The following VIPR1 variants were observed in gnomAD, a reference collection of about 807,000 sequenced individuals.
VIPR1 encodes the protein vasoactive intestinal polypeptide receptor 1.
In VIPR1, 59 loss-of-function variants were observed where a neutral mutation model predicts 58.8. That is an observed-to-expected ratio of 1.00 (90% CI 0.81 to 1.25). The LOEUF (loss-of-function observed/expected upper bound fraction) is 1.25, where lower values mean the gene tolerates loss of function less well. Ranked by LOEUF, VIPR1 falls within the 50% of genes most tolerant of loss-of-function variation. VIPR1 has a pLI of 0.00. For missense variants in VIPR1, 626 were observed against 602.7 expected, an observed-to-expected ratio of 1.04 and a Z score of -0.40; for synonymous variants, 251 against 242.1, an observed-to-expected ratio of 1.04 and a Z score of -0.34.
intron 1 of VIPR1, among the ~76,000 whole-genome samples, chr3:42,508,592 G>A (rs1165780636): frequency 6.6e-6 from 1 of 152,150 alleles, no homozygotes; most frequent in East Asian, 1.9e-4. Flanking sequence ...CATCACCCTA[G>A]CAGGCTGCCC....
upstream of VIPR1, among the ~76,000 whole-genome samples, chr3:42,499,120 G>A (rs1470849811): frequency 6.6e-6 from 1 of 152,230 alleles, no homozygotes; most frequent in Non-Finnish European, 1.5e-5. Flanking sequence ...AGACAGCAAC[G>A]TGGGTGGCTC....
upstream of VIPR1, chr3:42,502,579 C>T: frequency 2.0e-6 from 1 of 491,556 alleles, no homozygotes; most frequent in Non-Finnish European, 3.1e-6. Context: ...GTCAGACGAG[C>T]CCCCGGGGCC....
At position 42,525,917 on chromosome 3, in the gene VIPR1, A is replaced by G; in HGVS notation, c.323A>G (p.Glu108Gly). 1 of 1,613,432 alleles carries G rather than the reference A, an allele frequency of 6.2e-7. No homozygotes were observed. Among genetic ancestry groups the G allele is most frequent in the Non-Finnish European group, 8.5e-7 (1 of 1,179,768 alleles). ...AATGTAAGCCGCAGCTGCACCGACG[A>G]AGGCTGGACGCACCTGGAGCCTGGC... is the stretch of plus-strand genomic sequence containing the variant. ...GRNVSRSCTD[E>G]GWTHLEPGPY... is the part of the protein sequence containing the mutation. The change falls in exon 4 of 13, where the codon GAA becomes GGA. Residue 108 changes from glutamate to glycine, a missense_variant. Glu to Gly is a moderately conservative substitution (Grantham distance 98). Transcript: ENST00000325123.
intron 4 of VIPR1, 60 bp downstream of exon 4, chr3:42,526,053 T>G: frequency 2.0e-6 from 3 of 1,482,654 alleles, no homozygotes; most frequent in Admixed American, 1.9e-5. Context: ...TAGGAGACTT[T>G]GATCTCTCCC....
At chr3:42,516,912 T>C (rs1413452558) in intron 2 of VIPR1, 1 of 152,392 alleles carries the variant, frequency 6.6e-6, no homozygotes, top group Middle Eastern at 3.4e-3. Flanking sequence ...AAATGTTATA[T>C]GAATGTTTGC....
At chr3:42,505,329 C>T (rs1363939639) in intron 1 of VIPR1, among the ~76,000 whole-genome samples, 4 of 152,224 alleles carry the variant, frequency 2.6e-5, no homozygotes, top group Admixed American at 2.0e-4. Context: ...AATGGGCCTG[C>T]CCCCAGAAGG....
At chr3:42,498,652 C>G (rs983249624), upstream of VIPR1, among the ~76,000 whole-genome samples, 1 of 152,122 alleles carries the variant, frequency 6.6e-6, no homozygotes, top group African/African-American at 2.4e-5. Flanking sequence ...ATTCTTTCTC[C>G]ATCACCTGCT....
chr3:42,512,549 C>A (rs1211309006), intron 1 of VIPR1, among the ~76,000 whole-genome samples: 1 of 152,144 alleles, frequency 6.6e-6, no homozygotes, highest in Non-Finnish European at 1.5e-5. Flanking sequence ...TTCCCACGGA[C>A]CCACTTCAAG....
At chr3:42,527,551 C>A in intron 5 of VIPR1, 55 bp downstream of exon 5, 1 of 1,567,168 alleles carries the variant, frequency 6.4e-7, no homozygotes, top group Non-Finnish European at 8.7e-7. Flanking sequence ...GTGTCCCTCC[C>A]ACAGTGGAGC....
rs1455793043 is a variant in VIPR1 at position 42,536,523 on chromosome 3, TCA to T, written c.*243_*244del. On this transcript the variant is annotated 3_prime_UTR_variant, in exon 13 of 13. Transcript: ENST00000325123. ...TCTCCTGGAGGATTGCAGGTGGAAC[TCA>T]GTCATTAGACTCCTCCTCCAAAGGC... 2.3e-6 allele frequency: 1 copy of T among 440,174 alleles called. No homozygotes were observed. The highest frequency in any genetic ancestry group is 4.0e-6 in the Non-Finnish European group (1 of 252,862). The allele number at this position is 440,174 out of a possible 1,614,324, so 27.3% of individuals were successfully genotyped here.
chr3:42,520,887 G>C (rs966287306), intron 3 of VIPR1, among the ~76,000 whole-genome samples: 3 of 152,064 alleles, frequency 2.0e-5, no homozygotes, highest in African/African-American at 7.2e-5. Context: ...GAGTCTGGGA[G>C]GGTCACAGCC....
In VIPR1 at chr3:42,536,305, G is replaced by C. The variant is rs1289355503; in HGVS notation, c.*24G>C. 1 of 1,496,000 alleles carries C rather than the reference G, an allele frequency of 6.7e-7. No individual in the cohort carries two copies. The allele number at this position is 1,496,000 out of a possible 1,614,324, so 92.7% of individuals were successfully genotyped here. A position where few individuals can be genotyped will look rare whatever the true frequency, so the allele number is the denominator to read the frequency against. ...GACCACCAGGATCCCAGGGGCCCAA[G>C]GCGGCCCCTCCCGCCCCTTCCCACT... On this transcript the variant is annotated 3_prime_UTR_variant, in exon 13 of 13. Coordinates refer to ENST00000325123, the MANE Select transcript of VIPR1 (RefSeq NM_004624.4).
intron 3 of VIPR1, among the ~76,000 whole-genome samples, chr3:42,522,101 A>ATATTTTTTT (rs1419353370): frequency 2.8e-5 from 1 of 35,380 alleles, no homozygotes; most frequent in Non-Finnish European, 5.0e-5. Flanking sequence ...ATATATATAT[A>ATATTTTTTT]TTTTTTTTTT....
chr3:42,516,112 C>T (rs1700610818), intron 2 of VIPR1, among the ~76,000 whole-genome samples: 1 of 152,196 alleles, frequency 6.6e-6, no homozygotes, highest in Non-Finnish European at 1.5e-5. Context: ...CAAAATGACA[C>T]AGCAGAGGCC....
rs375928724 is a variant in VIPR1, at chr3:42,531,506, G to T, written c.826G>T (p.Ala276Ser). ...CACATTCACCATGGTGTGGACCATC[G>T]CCAGGATCCATTTTGAGGATTATGG... is the stretch of plus-strand genomic sequence containing the variant. Reference protein sequence around the residue: ...PSTFTMVWTIARIHFEDYGCW... With the variant: ...PSTFTMVWTISRIHFEDYGCW... Residue 276 changes from alanine to serine, a missense_variant, in exon 8 of 13, where the codon GCC (alanine) becomes TCC (serine). Transcript: ENST00000325123. The T allele has an allele frequency of 9.7e-5, 154 of 1,594,788 alleles. No individual in the cohort carries two copies. The highest frequency in any genetic ancestry group is 1.1e-4 in the Non-Finnish European group (132 of 1,169,978).
chr3:42,501,482 G>C (rs1364848541), upstream of VIPR1, among the ~76,000 whole-genome samples: 1 of 152,172 alleles, frequency 6.6e-6, no homozygotes, highest in Non-Finnish European at 1.5e-5. The surrounding 1 kb of genome is among the most constrained non-coding windows in gnomAD (Gnocchi z 4.8). Context: ...CTATCCTGCC[G>C]CCGCGACCAC....
intron 3 of VIPR1, 142 bp downstream of exon 3, chr3:42,519,472 T>C (rs1167213112): frequency 3.5e-6 from 2 of 579,520 alleles, no homozygotes; most frequent in Admixed American, 4.0e-5. Context: ...GAGGCAATGG[T>C]GCTGGGTCTT....
chr3:42,515,317 G>A (rs950757075), intron 2 of VIPR1, among the ~76,000 whole-genome samples: 1 of 152,216 alleles, frequency 6.6e-6, no homozygotes, highest in African/African-American at 2.4e-5. Context: ...TCTCAAAGCA[G>A]GACAACCCCT....
At chr3:42,511,199 C>T (rs1211683737) in intron 1 of VIPR1, among the ~76,000 whole-genome samples, 1 of 152,226 alleles carries the variant, frequency 6.6e-6, no homozygotes, top group Non-Finnish European at 1.5e-5. Flanking sequence ...TTCTCCATCT[C>T]TCTATTCTGC....
Sources: gnomAD v4.1 joint callset for allele counts (sites outside exome capture counted in the v4.1 genomes callset) on GRCh38, gnomAD v4.1.1 for gene constraint, Gnocchi (gnomAD v3.1) non-coding constraint, MANE v1.5 for transcripts, NCBI Gene and HGNC (gene_info 2026-07-23, HGNC 2026-07-21) for gene names.